The following SHISA9 variants were observed in gnomAD, a reference collection of about 807,000 sequenced individuals.
SHISA9 encodes protein shisa-9.
Under a neutral mutation model 38.0 loss-of-function variants are expected in SHISA9, and 13 were observed. The observed-to-expected ratio is 0.34, with a 90% CI of 0.22 to 0.54. SHISA9 has a LOEUF of 0.54. SHISA9 is among the 20% of genes least tolerant of loss of function. The probability of loss-of-function intolerance (pLI) is 0.91; values close to 1 mark genes in which losing one functional copy is unlikely to be tolerated. For missense variants in SHISA9, 538 were observed against 575.8 expected, an observed-to-expected ratio of 0.93 and a Z score of 0.67; for synonymous variants, 275 against 242.0, an observed-to-expected ratio of 1.14 and a Z score of -1.27.
chr16:13,534,821 T>G, the SHISA9 span, among the ~76,000 whole-genome samples: 1 of 152,290 alleles, frequency 6.6e-6, no homozygotes, highest in Non-Finnish European at 1.5e-5. Context: ...TTCCCTTTCC[T>G]TTCTCCTCTC....
At chr16:12,913,429 T>G (rs2071212627) in intron 1 of SHISA9, among the ~76,000 whole-genome samples, 1 of 152,200 alleles carries the variant, frequency 6.6e-6, no homozygotes, top group African/African-American at 2.4e-5. Context: ...AATCCTGATC[T>G]CAGGTGATCC....
chr16:13,232,820 C>A (rs1314120124), intron 4 of SHISA9, among the ~76,000 whole-genome samples: 1 of 152,044 alleles, frequency 6.6e-6, no homozygotes, highest in South Asian at 2.1e-4. Flanking sequence ...ATTGTGGAGA[C>A]CAAGGTTCTT....
the SHISA9 span, among the ~76,000 whole-genome samples, chr16:13,341,212 G>A: frequency 6.6e-6 from 1 of 151,010 alleles, no homozygotes; most frequent in Non-Finnish European, 1.5e-5. Context: ...GATGTGTAGA[G>A]CTACCAGGTG....
intron 2 of SHISA9, among the ~76,000 whole-genome samples, chr16:13,075,084 A>G (rs1049270441): frequency 1.7e-4 from 26 of 152,214 alleles, no homozygotes; most frequent in African/African-American, 6.0e-4. Flanking sequence ...GCCCCCTACC[A>G]TAAGTGCTCC....
chr16:13,235,403 T>C lies in SHISA9; in HGVS notation c.1269T>C (p.Thr423=). Residue 423 remains threonine, a synonymous_variant, in exon 5 of 5, where the codon ACT becomes ACC. Coordinates refer to ENST00000558583, the MANE Select transcript of SHISA9 (RefSeq NM_001145204.3). ...YFITNSKTEV[T]V ...TCACCAACAGCAAAACAGAAGTGAC[T>C]GTCTGAGCTTTCACCACAGGGAGCA... is the stretch of plus-strand genomic sequence containing the variant. 1 of 1,535,658 alleles carries C rather than the reference T, an allele frequency of 6.5e-7. No homozygotes were observed. The highest frequency in any genetic ancestry group is 8.7e-7 in the Non-Finnish European group (1 of 1,145,548).
the SHISA9 span, among the ~76,000 whole-genome samples, chr16:13,312,725 A>G: frequency 1.3e-5 from 2 of 152,220 alleles, no homozygotes; most frequent in African/African-American, 2.4e-5. Context: ...TTCTGGTACA[A>G]TCATAATATG....
chr16:13,177,533 A>AT (rs2050741826), intron 2 of SHISA9, among the ~76,000 whole-genome samples: 1 of 148,252 alleles, frequency 6.7e-6, no homozygotes, highest in Non-Finnish European at 1.5e-5. Context: ...TTCTACTTTT[A>AT]TTTTATTTTT....
intron 2 of SHISA9, among the ~76,000 whole-genome samples, chr16:13,111,679 G>A (rs527319896): frequency 1.9e-4 from 29 of 152,254 alleles, no homozygotes; most frequent in Middle Eastern, 3.4e-3. Flanking sequence ...TAACCAGGTG[G>A]ATGAAATTCA....
the SHISA9 span, among the ~76,000 whole-genome samples, chr16:13,300,979 C>G: frequency 6.6e-6 from 1 of 151,884 alleles, no homozygotes; most frequent in African/African-American, 2.4e-5. Flanking sequence ...TCTCCTGTGA[C>G]TCTTTTCTTT....
At chr16:13,060,999 C>T (rs1427137290) in intron 2 of SHISA9, among the ~76,000 whole-genome samples, 1 of 152,102 alleles carries the variant, frequency 6.6e-6, no homozygotes, top group Admixed American at 6.5e-5. Flanking sequence ...CCCTCCAAGG[C>T]ATGGTGCATG....
chr16:13,401,166 G>A, the SHISA9 span, among the ~76,000 whole-genome samples: 2 of 152,314 alleles, frequency 1.3e-5, no homozygotes. Flanking sequence ...CTATGTGCCA[G>A]AAACTCTTCA....
At chr16:12,926,981 G>A (rs968032784) in intron 2 of SHISA9, among the ~76,000 whole-genome samples, 40 of 152,270 alleles carry the variant, frequency 2.6e-4, no homozygotes, top group Admixed American at 1.0e-3. Context: ...ATGCCAGGTC[G>A]GCCATGGGAG....
chr16:13,166,148 TAATC>T (rs1439072368), intron 2 of SHISA9, among the ~76,000 whole-genome samples: 1 of 152,236 alleles, frequency 6.6e-6, no homozygotes, highest in Non-Finnish European at 1.5e-5. Context: ...ATGGATGAGA[TAATC>T]AAGGTCCTGA....
Position 12,989,236 on chromosome 16 carries a change from C to T in SHISA9, c.691+72421C>T, listed in dbSNP as rs117970238. On this transcript the variant is annotated intron_variant, in intron 2 of 4. Coordinates refer to ENST00000558583, the MANE Select transcript of SHISA9 (RefSeq NM_001145204.3). Reference sequence around the variant, plus strand: ...GTTTTTTTGTTTTTTGTGTGTTTGACGATGTCAGGCTGGGGTGCCTGACCT... The same window carrying T: ...GTTTTTTTGTTTTTTGTGTGTTTGATGATGTCAGGCTGGGGTGCCTGACCT... Among the ~76,000 whole-genome samples, 23 of 152,050 alleles carry T rather than the reference C, an allele frequency of 1.5e-4. No homozygotes were observed. In the East Asian group the frequency reaches 1.6e-3, roughly 10 times the overall value.
At chr16:13,232,356 A>G (rs1369061613) in intron 4 of SHISA9, among the ~76,000 whole-genome samples, 1 of 151,628 alleles carries the variant, frequency 6.6e-6, no homozygotes, top group Non-Finnish European at 1.5e-5. Flanking sequence ...AAGAAAAGAA[A>G]GTGTCAGCAA....
At chr16:13,162,359 G>A (rs2050602330) in intron 2 of SHISA9, among the ~76,000 whole-genome samples, 1 of 152,176 alleles carries the variant, frequency 6.6e-6, no homozygotes, top group South Asian at 2.1e-4. Context: ...TTTGGATATA[G>A]GAGCCATTAA....
chr16:13,406,615 A>T, the SHISA9 span, among the ~76,000 whole-genome samples: 64 of 152,298 alleles, frequency 4.2e-4, 1 homozygote, highest in African/African-American at 1.5e-3. Flanking sequence ...ATGCACCAGA[A>T]ACACGACCCT....
At chr16:13,034,981 C>T (rs928177666) in intron 2 of SHISA9, among the ~76,000 whole-genome samples, 1 of 152,072 alleles carries the variant, frequency 6.6e-6, no homozygotes, top group Admixed American at 6.6e-5. Context: ...GATTTGGGAG[C>T]TAATAAAATG....
chr16:13,553,596 G>A, the SHISA9 span, among the ~76,000 whole-genome samples: 3 of 152,034 alleles, frequency 2.0e-5, no homozygotes, highest in Non-Finnish European at 4.4e-5. Flanking sequence ...CTCCAGAACC[G>A]AAACACATGC....
Sources: gnomAD v4.1 joint callset for allele counts (sites outside exome capture counted in the v4.1 genomes callset) on GRCh38, gnomAD v4.1.1 for gene constraint, MANE v1.5 for transcripts, NCBI Gene and HGNC (gene_info 2026-07-23, HGNC 2026-07-21) for gene names.